The following PTPRF variants were observed in gnomAD, a reference collection of about 807,000 sequenced individuals.
PTPRF encodes the protein receptor-type tyrosine-protein phosphatase F.
PTPRF carries 59 observed loss-of-function variants against 201.8 expected under a neutral mutation model. That is an observed-to-expected ratio of 0.29 (90% CI 0.24 to 0.36). The LOEUF is 0.36. Among genes scored for constraint, PTPRF ranks in the 10% least tolerant of loss-of-function variants. PTPRF has a pLI of 1.00. For synonymous variants in PTPRF, 1,088 were observed against 1,089.7 expected, an observed-to-expected ratio of 1.00 and a Z score of 0.03; for missense variants, 2,132 against 2,690.5, an observed-to-expected ratio of 0.79 and a Z score of 4.59.
intron 1 of PTPRF, 110 bp from the exon 2 acceptor site, chr1:43,538,088 C>T (rs1377310896): frequency 5.0e-6 from 2 of 396,768 alleles, no homozygotes; most frequent in East Asian, 3.6e-5. Context: ...ATTTCCATAA[C>T]CTGCTTTTTT....
chr1:43,544,536 G>C (rs560923315), intron 2 of PTPRF, among the ~76,000 whole-genome samples: 1 of 152,186 alleles, frequency 6.6e-6, no homozygotes. Flanking sequence ...GCTGGGGAGA[G>C]GAGGGGCAAC....
upstream of PTPRF, among the ~76,000 whole-genome samples, chr1:43,529,425 A>G (rs1643266722): frequency 6.6e-6 from 1 of 152,222 alleles, no homozygotes; most frequent in African/African-American, 2.4e-5. Context: ...TGCCCTGCAC[A>G]TTACCACGTG....
chr1:43,570,174 G>C (rs1646473274), intron 6 of PTPRF, among the ~76,000 whole-genome samples: 1 of 152,202 alleles, frequency 6.6e-6, no homozygotes, highest in African/African-American at 2.4e-5. Context: ...AGAGGCTAAA[G>C]GTGCCTGATT....
chr1:43,591,058 C>G lies in PTPRF; in HGVS notation c.1036C>G (p.Pro346Ala), dbSNP rs1557787647. 1.2e-6 allele frequency: 2 copies of G among 1,614,044 alleles called. No homozygotes were observed. The highest frequency in any genetic ancestry group is 1.7e-6 in the Non-Finnish European group (2 of 1,180,036). ...TLTWDSGNSE[P>A]VTYYGIQYRA... is the part of the protein sequence containing the mutation. ...CACCTGGGACTCTGGGAACTCGGAG[C>G]CTGTAACCTACTATGGCATCCAGTA... is the stretch of plus-strand genomic sequence containing the variant. The change falls in exon 9 of 34, where the codon CCT (proline) becomes GCT (alanine). Residue 346 changes from proline (P) to alanine (A), a missense_variant. By Grantham distance (27) the Pro-to-Ala change is conservative (BLOSUM62 -1). This residue lies in a region of PTPRF where 351 missense variants were observed against 401.7 expected (regional missense o/e 0.87). Coordinates refer to ENST00000359947, the MANE Select transcript of PTPRF (RefSeq NM_002840.5).
At chr1:43,602,387 A>G (rs1203197121) in intron 14 of PTPRF, among the ~76,000 whole-genome samples, 1 of 152,182 alleles carries the variant, frequency 6.6e-6, no homozygotes, top group Admixed American at 6.5e-5. Context: ...TCCAATCCTG[A>G]TCGTTAGGCC....
rs1557841712 is a variant in PTPRF, at chr1:43,606,930, C to T, written c.3819C>T (p.Leu1273=). Residue 1273 remains leucine (L), a synonymous_variant, in exon 21 of 34, where the codon CTC becomes CTT. Transcript: ENST00000359947. Reference sequence around the variant, plus strand: ...CGGGTCCCGTGCTGGCAGTCATCCTCATCATCCTCATTGTCATCGCCATCC... The same window carrying T: ...CGGGTCCCGTGCTGGCAGTCATCCTTATCATCCTCATTGTCATCGCCATCC... ...WVTGPVLAVI[L]IILIVIAILL... is the part of the protein sequence containing the mutation. The T allele has an allele frequency of 1.9e-6, 3 of 1,614,208 alleles. No homozygotes were observed. The highest frequency in any genetic ancestry group is 2.5e-6 in the Non-Finnish European group (3 of 1,180,038).
chr1:43,559,711 G>A (rs993196428), intron 5 of PTPRF, among the ~76,000 whole-genome samples: 4 of 151,146 alleles, frequency 2.6e-5, no homozygotes, highest in Admixed American at 2.0e-4. Flanking sequence ...CAGGTGGTGT[G>A]CGGCAGGCTG....
rs1644111305 is a variant in PTPRF, at chr1:43,537,716, G to GGGTA, written c.-125-480_-125-477dup. Among the ~76,000 whole-genome samples, 1 of 152,272 alleles carries GGGTA rather than the reference G, an allele frequency of 6.6e-6. No individual in the cohort carries two copies. Among genetic ancestry groups the GGGTA allele is most frequent in the Admixed American group, 6.5e-5 (1 of 15,278 alleles). ...GAGGGTAAGTTGGCCAGAAGAGCAT[G>GGGTA]GGTAGCCTGTGCCAGGCAGTGGCAT... On this transcript the variant is annotated intron_variant, in intron 1 of 33. Transcript: ENST00000359947. This position sits in a 1 kb window ranked among gnomAD's most constrained non-coding sequence, Gnocchi z 4.8.
chr1:43,619,917 T>C, intron 29 of PTPRF, 59 bp downstream of exon 29: 1 of 1,587,398 alleles, frequency 6.3e-7, no homozygotes, highest in Non-Finnish European at 8.6e-7. Context: ...TGTGCCTGGC[T>C]GGTGGGGGTG....
chr1:43,556,264 G>T (rs1023783708), intron 5 of PTPRF, among the ~76,000 whole-genome samples: 3 of 151,976 alleles, frequency 2.0e-5, no homozygotes, highest in Non-Finnish European at 4.4e-5. Context: ...GTTTTGGGGG[G>T]TTTTTTAGTT....
At chr1:43,526,836 G>C (rs897382121), upstream of PTPRF, among the ~76,000 whole-genome samples, 1 of 152,222 alleles carries the variant, frequency 6.6e-6, no homozygotes, top group Non-Finnish European at 1.5e-5. Flanking sequence ...TGGAAGCCCT[G>C]TGACTGTGAC....
chr1:43,589,967 T>C (rs546638570), intron 8 of PTPRF, among the ~76,000 whole-genome samples: 3 of 152,182 alleles, frequency 2.0e-5, no homozygotes, highest in South Asian at 2.1e-4. Flanking sequence ...CTTTAAAAAA[T>C]GTAATTCAGG....
intron 7 of PTPRF, among the ~76,000 whole-genome samples, chr1:43,581,116 T>C (rs942381517): frequency 1.3e-5 from 2 of 152,250 alleles, no homozygotes; most frequent in East Asian, 1.9e-4. Flanking sequence ...GGAGCTCTTA[T>C]GTGCAGCCCC....
intron 5 of PTPRF, among the ~76,000 whole-genome samples, chr1:43,564,405 C>T (rs553004267): frequency 3.3e-4 from 51 of 152,300 alleles, no homozygotes; most frequent in Non-Finnish European, 6.3e-4. Flanking sequence ...CTGCATGTGT[C>T]TCCAGGCGCA....
In PTPRF at chr1:43,588,999, A is replaced by G; in HGVS notation, c.948A>G (p.Lys316=). Residue 316 remains lysine, a splice_region_variant and synonymous_variant, in exon 8 of 34, where the codon AAA becomes AAG. Coordinates refer to ENST00000359947, the MANE Select transcript of PTPRF (RefSeq NM_002840.5). The surrounding 1 kb of genome is among the most constrained non-coding windows in gnomAD (Gnocchi z 5.3). ...MIEATAQVTV[K]ALPKPPIDLV... ...AGGCCACAGCCCAGGTCACAGTGAAAGGTGAGTGTGGCAGGTGCTGTAACC... is the reference window on the plus strand; with the variant it reads ...AGGCCACAGCCCAGGTCACAGTGAAGGGTGAGTGTGGCAGGTGCTGTAACC... 6.5e-7 allele frequency: 1 copy of G among 1,546,520 alleles called. No individual in the cohort carries two copies. Among genetic ancestry groups the G allele is most frequent in the Non-Finnish European group, 8.8e-7 (1 of 1,140,698 alleles).
intron 2 of PTPRF, among the ~76,000 whole-genome samples, chr1:43,539,887 C>A (rs1363211641): frequency 6.6e-6 from 1 of 152,060 alleles, no homozygotes; most frequent in East Asian, 1.9e-4. Context: ...TGTGGGGGTA[C>A]AGGGGAAGAT....
intron 11 of PTPRF, among the ~76,000 whole-genome samples, chr1:43,597,336 G>T (rs1157526710): frequency 1.3e-5 from 2 of 151,976 alleles, no homozygotes; most frequent in Non-Finnish European, 2.9e-5. Context: ...CTATGTATAT[G>T]TGACACTATG....
At chr1:43,608,171 G>C (rs1655591815) in intron 21 of PTPRF, among the ~76,000 whole-genome samples, 1 of 152,140 alleles carries the variant, frequency 6.6e-6, no homozygotes, top group Non-Finnish European at 1.5e-5. Context: ...CTGCATTCTG[G>C]GTCTGTCCAG....
At chr1:43,620,663 G>A (rs1659001260) in intron 31 of PTPRF, 84 bp downstream of exon 31, 1 of 1,565,854 alleles carries the variant, frequency 6.4e-7, no homozygotes, top group Non-Finnish European at 8.7e-7. Flanking sequence ...CTTAGCTCAA[G>A]CTTCAGAAAT....
Sources: allele counts gnomAD v4.1 joint callset (sites outside exome capture counted in the v4.1 genomes callset), GRCh38; gene constraint gnomAD v4.1.1; regional missense constraint gnomAD v4.1.1; non-coding constraint Gnocchi (gnomAD v3.1); transcripts MANE v1.5; gene names NCBI Gene and HGNC (gene_info 2026-07-23, HGNC 2026-07-21).